The following HACD2 variants were observed in gnomAD, a reference collection of about 807,000 sequenced individuals.
HACD2 encodes the protein very-long-chain (3R)-3-hydroxyacyl-CoA dehydratase 2.
Under a neutral mutation model 31.0 loss-of-function variants are expected in HACD2, and 15 were observed. That is an observed-to-expected ratio of 0.48 (90% CI 0.32 to 0.75). The LOEUF (loss-of-function observed/expected upper bound fraction) is 0.75, where lower values mean the gene tolerates loss of function less well. Ranked by LOEUF, HACD2 falls within the 30% of genes least tolerant of loss-of-function variation. HACD2 has a pLI of 0.03. For missense variants in HACD2, 283 were observed against 313.0 expected (o/e 0.90, Z 0.72); for synonymous variants, 115 against 122.2 (o/e 0.94, Z 0.39).
intron 2 of HACD2, among the ~76,000 whole-genome samples, chr3:123,580,521 C>T (rs943196104): frequency 2.6e-5 from 4 of 151,878 alleles, no homozygotes; most frequent in Non-Finnish European, 4.4e-5. Flanking sequence ...CAGTGGTTCA[C>T]GCCTGTAATC....
At position 123,530,862 on chromosome 3, in the gene HACD2, TTTG is replaced by T. The variant is rs201195496; in HGVS notation, c.293-2391_293-2389del. Among the ~76,000 whole-genome samples the T allele has an allele frequency of 2.6e-3, 390 of 151,934 alleles. 1 individual carries two copies. Among genetic ancestry groups the T allele is most frequent in the African/African-American group, 8.7e-3 (362 of 41,442 alleles). On this transcript the variant is annotated intron_variant, in intron 3 of 6. Transcript: ENST00000383657. Reference sequence around the variant, plus strand: ...CCCCCATGCCCAGCTAAAGTAACTTTTTGTTGTTGTTGTTGTTGTTTTTAGATG... The same window carrying T: ...CCCCCATGCCCAGCTAAAGTAACTTTTTGTTGTTGTTGTTGTTTTTAGATG...
In HACD2 at chr3:123,563,650, C is replaced by T. The variant is rs970275321; in HGVS notation, c.292+4112G>A. Among the ~76,000 whole-genome samples the T allele has an allele frequency of 4.2e-4, 25 of 59,166 alleles. No homozygotes were observed. In the East Asian group the frequency reaches 7.8e-3, roughly 19 times the overall value. The allele number at this position is 59,166 out of a possible 152,430, so 38.8% of individuals were successfully genotyped here. A position where few individuals can be genotyped will look rare whatever the true frequency, so the allele number is the denominator to read the frequency against. ...ATTGACAAAAAAATATATATACACA[C>T]ACACACACACACACACACACACACA... On this transcript the variant is annotated intron_variant, in intron 3 of 6. Transcript: ENST00000383657.
At chr3:123,523,915 A>C (rs929154056) in intron 4 of HACD2, among the ~76,000 whole-genome samples, 3 of 152,254 alleles carry the variant, frequency 2.0e-5, no homozygotes, top group African/African-American at 7.2e-5. Flanking sequence ...CAATGATTTC[A>C]GATCTTCCTC....
intron 4 of HACD2, among the ~76,000 whole-genome samples, chr3:123,503,204 G>A (rs940924930): frequency 6.6e-6 from 1 of 151,450 alleles, no homozygotes; most frequent in African/African-American, 2.4e-5. Context: ...GGCGGAGTTT[G>A]CAGTGAGCCG....
At chr3:123,548,855 G>A (rs141975434) in intron 3 of HACD2, among the ~76,000 whole-genome samples, 2 of 151,800 alleles carry the variant, frequency 1.3e-5, no homozygotes, top group African/African-American at 4.8e-5. Context: ...GAACTCCTAG[G>A]CTCAAGTGAT....
chr3:123,568,160 G>A (rs1182692248), intron 2 of HACD2, among the ~76,000 whole-genome samples: 6 of 152,180 alleles, frequency 3.9e-5, no homozygotes, highest in African/African-American at 1.2e-4. Context: ...TCCGGAACAC[G>A]GGGTGAGAAG....
At chr3:123,509,776 G>GGT (rs939239795) in intron 4 of HACD2, among the ~76,000 whole-genome samples, 2 of 152,078 alleles carry the variant, frequency 1.3e-5, no homozygotes, top group African/African-American at 4.8e-5. Flanking sequence ...TGGGATTACA[G>GGT]GTGAGCAACC....
intron 4 of HACD2, among the ~76,000 whole-genome samples, chr3:123,514,571 CAT>C (rs1452595389): frequency 6.6e-6 from 1 of 152,076 alleles, no homozygotes; most frequent in Non-Finnish European, 1.5e-5. Flanking sequence ...ACCATAAAGA[CAT>C]AACATTTATA....
chr3:123,503,247 A>G (rs1247608069), intron 4 of HACD2, among the ~76,000 whole-genome samples: 3 of 149,916 alleles, frequency 2.0e-5, no homozygotes, highest in African/African-American at 5.0e-5. Flanking sequence ...CCTGGGTGAC[A>G]GAGTGAGACT....
At chr3:123,532,960 T>G (rs956821590) in intron 3 of HACD2, among the ~76,000 whole-genome samples, 2 of 152,156 alleles carry the variant, frequency 1.3e-5, no homozygotes, top group African/African-American at 4.8e-5. Flanking sequence ...GTAGGAAATT[T>G]GTTTTAGAGC....
chr3:123,559,232 A>G (rs1300652901), intron 3 of HACD2, among the ~76,000 whole-genome samples: 2 of 152,160 alleles, frequency 1.3e-5, no homozygotes, highest in Admixed American at 1.3e-4. Flanking sequence ...TCTCCTTACT[A>G]ATACAAGGGT....
intron 4 of HACD2, among the ~76,000 whole-genome samples, chr3:123,519,393 T>TGA (rs1315651140): frequency 6.6e-6 from 1 of 152,210 alleles, no homozygotes; most frequent in East Asian, 1.9e-4. Flanking sequence ...CAGTTTGCAG[T>TGA]GAGAGGTTTT....
intron 2 of HACD2, among the ~76,000 whole-genome samples, chr3:123,570,833 T>C (rs2056846781): frequency 6.6e-6 from 1 of 151,908 alleles, no homozygotes; most frequent in East Asian, 1.9e-4. Context: ...AGCCATTGTT[T>C]AACAGGGGAT....
In HACD2 at chr3:123,568,916, G is replaced by A. The variant is rs35021165; in HGVS notation, c.274-1136C>T. 2.2e-3 allele frequency among the ~76,000 whole-genome samples: 333 copies of A among 152,298 alleles called. 6 individuals carry two copies. Among genetic ancestry groups the A allele is most frequent in the Middle Eastern group, 0.017 (5 of 294 alleles). Reference sequence around the variant, plus strand: ...ACACAACTTGCCCAGGGCAGTAAATGATGGTCAGGACCAAGAACTTAGGTT... The same window carrying A: ...ACACAACTTGCCCAGGGCAGTAAATAATGGTCAGGACCAAGAACTTAGGTT... On this transcript the variant is annotated intron_variant, in intron 2 of 6. Coordinates refer to ENST00000383657, the MANE Select transcript of HACD2 (RefSeq NM_198402.5).
chr3:123,507,431 TAAA>T (rs2055990910), intron 4 of HACD2, among the ~76,000 whole-genome samples: 1 of 151,960 alleles, frequency 6.6e-6, no homozygotes, highest in African/African-American at 2.4e-5. Flanking sequence ...TTCAGCAACA[TAAA>T]GGTAAGAAAT....
chr3:123,534,217 A>G (rs945630145), intron 3 of HACD2, among the ~76,000 whole-genome samples: 2 of 152,174 alleles, frequency 1.3e-5, no homozygotes, highest in African/African-American at 2.4e-5. Flanking sequence ...TGAAGTTGGG[A>G]GACTGGCTAT....
intron 1 of HACD2, among the ~76,000 whole-genome samples, chr3:123,583,269 C>T (rs1323455012): frequency 6.6e-6 from 1 of 152,180 alleles, no homozygotes; most frequent in Non-Finnish European, 1.5e-5. Context: ...CCACTCCTTA[C>T]CCTCCACCCC....
At chr3:123,538,715 C>A (rs763625807) in intron 3 of HACD2, among the ~76,000 whole-genome samples, 29 of 152,212 alleles carry the variant, frequency 1.9e-4, no homozygotes, top group Non-Finnish European at 3.8e-4. Context: ...GTGTGAGCAA[C>A]TGCACCCAGC....
At chr3:123,509,050 G>C (rs1002694796) in intron 4 of HACD2, among the ~76,000 whole-genome samples, 15 of 152,078 alleles carry the variant, frequency 9.9e-5, no homozygotes, top group African/African-American at 3.6e-4. Context: ...GGGGGTTAGG[G>C]CTTCAAGGTA....
Sources: allele counts gnomAD v4.1 joint callset (sites outside exome capture counted in the v4.1 genomes callset), GRCh38; gene constraint gnomAD v4.1.1; transcripts MANE v1.5; gene names NCBI Gene and HGNC (gene_info 2026-07-23, HGNC 2026-07-21).